The following PDPR variants were observed in gnomAD, a reference collection of about 807,000 sequenced individuals.
PDPR encodes pyruvate dehydrogenase phosphatase regulatory subunit, mitochondrial.
A neutral mutation model predicts 102.2 loss-of-function variants in PDPR; 50 were observed. The observed-to-expected ratio is 0.49, with a 90% CI of 0.39 to 0.62. PDPR has a LOEUF of 0.62. PDPR is among the 20% of genes least tolerant of loss of function. PDPR has a pLI of 0.00. For synonymous variants in PDPR, 259 were observed against 406.0 expected (o/e 0.64, Z 4.35); for missense variants, 625 against 1,098.2 (o/e 0.57, Z 6.09).
At chr16:70,119,111 T>C (rs1400960945) in intron 2 of PDPR, among the ~76,000 whole-genome samples, 3 of 152,088 alleles carry the variant, frequency 2.0e-5, no homozygotes, top group African/African-American at 7.2e-5. Flanking sequence ...TGCTTTCTTC[T>C]TCAGTTTCTT....
chr16:70,139,313 C>G (rs1965481907), intron 11 of PDPR, among the ~76,000 whole-genome samples: 1 of 152,238 alleles, frequency 6.6e-6, no homozygotes, highest in African/African-American at 2.4e-5. Context: ...ATGCCTTCTT[C>G]CCGGTCTGCC....
intron 11 of PDPR, among the ~76,000 whole-genome samples, chr16:70,141,645 A>G (rs1965724346): frequency 6.6e-6 from 1 of 152,282 alleles, no homozygotes; most frequent in Non-Finnish European, 1.5e-5. Flanking sequence ...CCTTTCTGCC[A>G]TCATTTCTAC....
intron 10 of PDPR, 78 bp from the exon 11 acceptor site, chr16:70,138,821 G>C: frequency 6.3e-7 from 1 of 1,599,700 alleles, no homozygotes; most frequent in South Asian, 1.1e-5. Context: ...TTTTGATTCT[G>C]TTTGTTCTCG....
rs116486884 is a variant in PDPR at position 70,156,255 on chromosome 16, G to A, written c.2236-220G>A. The A allele has an allele frequency of 9.1e-3, 5,308 of 582,042 alleles. No homozygotes were observed. In the African/African-American group the frequency reaches 0.092, roughly 10 times the overall value. The allele number at this position is 582,042 out of a possible 1,614,324, so 36.1% of individuals were successfully genotyped here. A position where few individuals can be genotyped will look rare whatever the true frequency, so the allele number is the denominator to read the frequency against. ...GTTTATAAAATAGGAAACAAAATGC[G>A]TACCTCTGTTGTTACAAAAATTACC... is the stretch of plus-strand genomic sequence containing the variant. On this transcript the variant is annotated intron_variant, in intron 18 of 18. Transcript: ENST00000288050.
rs1967649654 is a variant in PDPR at position 70,160,205 on chromosome 16, G to A, written c.*3326G>A. 1.3e-5 allele frequency: 2 copies of A among 152,694 alleles called. No homozygotes were observed. Among genetic ancestry groups the A allele is most frequent in the South Asian group, 4.1e-4 (2 of 4,840 alleles). 9.5% of individuals were successfully genotyped at this position (152,694 alleles called of 1,614,324 possible). A position where few individuals can be genotyped will look rare whatever the true frequency, so the allele number is the denominator to read the frequency against. ...CATCGTCAGGCCACGTGTGACTTCT[G>A]TTCTTAGCACTGCCAGGGTCATTGA... On this transcript the variant is annotated 3_prime_UTR_variant, in exon 19 of 19. Coordinates refer to ENST00000288050, the MANE Select transcript of PDPR (RefSeq NM_017990.5).
intron 18 of PDPR, chr16:70,156,203 T>G (rs1050865928): frequency 8.1e-6 from 4 of 496,632 alleles, no homozygotes; most frequent in Non-Finnish European, 1.4e-5. Context: ...CTAAACGTTT[T>G]TGTTCTATCT....
intron 3 of PDPR, among the ~76,000 whole-genome samples, chr16:70,122,680 A>G (rs577979863): frequency 3.4e-3 from 518 of 152,192 alleles, no homozygotes; most frequent in Middle Eastern, 0.02. Context: ...ACCTCCACCT[A>G]CCGGGCTTAG....
chr16:70,120,745 A>T (rs777931776), intron 3 of PDPR, 26 bp downstream of exon 3: 1 of 1,452,236 alleles, frequency 6.9e-7, no homozygotes, highest in Non-Finnish European at 9.7e-7. Context: ...CATTTGGCTC[A>T]TGGCTGTGCT....
intron 9 of PDPR, among the ~76,000 whole-genome samples, chr16:70,133,139 A>T (rs1158257775): frequency 2.3e-5 from 2 of 88,830 alleles, no homozygotes; most frequent in African/African-American, 1.0e-4. Flanking sequence ...TTTTGAGATG[A>T]AGTCTCGCTC....
Position 70,146,160 on chromosome 16 carries a change from G to A in PDPR, c.1894G>A (p.Val632Met), listed in dbSNP as rs371349256. 1.2e-4 allele frequency: 195 copies of A among 1,613,620 alleles called. No homozygotes were observed. The African/African-American group carries it at 2.3e-3, about 19-fold the overall frequency. ...TALNLIGPRA[V>M]DVLSELSYAP... ...CCTCAATCTGATTGGCCCTCGAGCT[G>A]TGGATGTGCTGTCTGAGTTGTCCTA... The change falls in exon 16 of 19, where the codon GTG becomes ATG. Residue 632 changes from valine (V) to methionine (M), a missense_variant. Around this residue, in one of 11 missense-constraint regions of PDPR, gnomAD observed 28 missense variants for 141.2 expected, o/e 0.20. Transcript: ENST00000288050.
In PDPR at chr16:70,156,706, G is replaced by A; in HGVS notation, c.2467G>A (p.Asp823Asn). Reference sequence around the variant, plus strand: ...GGGCTTTGTGCACAATTTTTCTGAGGACACGGGGGAAGAGCAAGTGGTGAC... The same window carrying A: ...GGGCTTTGTGCACAATTTTTCTGAGAACACGGGGGAAGAGCAAGTGGTGAC... ...CLGFVHNFSE[D>N]TGEEQVVTAD... is the part of the protein sequence containing the mutation. Residue 823 changes from aspartate (D) to asparagine (N), a missense_variant, in exon 19 of 19, where the codon GAC becomes AAC. Asp to Asn is a conservative substitution (Grantham distance 23). Transcript: ENST00000288050. 1 of 1,614,002 alleles carries A rather than the reference G, an allele frequency of 6.2e-7. No homozygotes were observed. The highest frequency in any genetic ancestry group is 8.5e-7 in the Non-Finnish European group (1 of 1,179,916).
intron 3 of PDPR, among the ~76,000 whole-genome samples, chr16:70,126,104 A>G (rs1395844738): frequency 6.6e-6 from 1 of 152,278 alleles, no homozygotes; most frequent in Non-Finnish European, 1.5e-5. Context: ...TACCTTACAC[A>G]CTGTTCTTCA....
chr16:70,134,921 A>AT (rs2152088471), intron 9 of PDPR, among the ~76,000 whole-genome samples: 1 of 152,358 alleles, frequency 6.6e-6, no homozygotes, highest in South Asian at 2.1e-4. Context: ...GGAAAATTTC[A>AT]AACTTTTAAA....
intron 18 of PDPR, among the ~76,000 whole-genome samples, chr16:70,155,438 A>AT (rs1430779389): frequency 3.3e-5 from 5 of 152,316 alleles, no homozygotes; most frequent in African/African-American, 1.2e-4. Context: ...CTAATTTTGT[A>AT]TTTTTTGTCT....
rs1161798003 is a variant in PDPR at position 70,161,462 on chromosome 16, G to C, written c.*4583G>C. The C allele has an allele frequency of 1.3e-5, 2 of 152,974 alleles. No homozygotes were observed. The highest frequency in any genetic ancestry group is 1.5e-5 in the Non-Finnish European group (1 of 68,604). 9.5% of individuals were successfully genotyped at this position (152,974 alleles called of 1,614,324 possible). On this transcript the variant is annotated 3_prime_UTR_variant, in exon 19 of 19. Coordinates refer to ENST00000288050, the MANE Select transcript of PDPR (RefSeq NM_017990.5). The stretch of plus-strand genomic sequence containing the variant: ...TGTTCACCTTGCATATGTCATTTCA[G>C]GCACATGGATTCAGGAGAAGCACAG...
intron 16 of PDPR, chr16:70,147,747 T>G: frequency 2.7e-6 from 1 of 363,722 alleles, no homozygotes; most frequent in South Asian, 2.1e-5. Context: ...CAGTTTTCCT[T>G]CTTCTCCGAG....
At chr16:70,140,280 G>A (rs1299432996) in intron 11 of PDPR, among the ~76,000 whole-genome samples, 2 of 152,260 alleles carry the variant, frequency 1.3e-5, no homozygotes, top group Admixed American at 1.3e-4. Context: ...AGTTGAGGCT[G>A]CAGTGAGCCA....
chr16:70,150,400 G>T (rs1192045592), intron 17 of PDPR, among the ~76,000 whole-genome samples: 3 of 11,142 alleles, frequency 2.7e-4, no homozygotes, highest in Admixed American at 5.3e-4. Context: ...CACCGCACCC[G>T]GGCCCATAGT....
chr16:70,136,777 C>T (rs1471591510), intron 10 of PDPR, among the ~76,000 whole-genome samples: 7 of 152,224 alleles, frequency 4.6e-5, no homozygotes, highest in African/African-American at 1.7e-4. Flanking sequence ...CAGTCTTGCT[C>T]TGTCACCCAG....
Sources: allele counts gnomAD v4.1 joint callset (sites outside exome capture counted in the v4.1 genomes callset), GRCh38; gene constraint gnomAD v4.1.1; regional missense constraint gnomAD v4.1.1; transcripts MANE v1.5; gene names NCBI Gene and HGNC (gene_info 2026-07-23, HGNC 2026-07-21).